FER: variants seen among roughly 807,000 people sequenced by gnomAD.
FER encodes the protein tyrosine-protein kinase Fer.
FER carries 63 observed loss-of-function variants against 111.0 expected under a neutral mutation model. The observed-to-expected ratio is 0.57, with a 90% CI of 0.46 to 0.70. FER has a LOEUF of 0.70. Ranked by LOEUF, FER falls within the 30% of genes least tolerant of loss-of-function variation. The pLI is 0.00. For synonymous variants in FER, 327 were observed against 313.9 expected (o/e 1.04, Z -0.44); for missense variants, 914 against 954.0 (o/e 0.96, Z 0.55).
intron 19 of FER, 97 bp from the exon 20 acceptor site, chr5:109,187,336 T>A: frequency 7.8e-7 from 1 of 1,277,812 alleles, no homozygotes; most frequent in Non-Finnish European, 1.1e-6. Flanking sequence ...AACTACAACA[T>A]AAGGTACCAA....
chr5:108,966,149 A>G (rs1759783475), intron 13 of FER, among the ~76,000 whole-genome samples: 1 of 152,158 alleles, frequency 6.6e-6, no homozygotes, highest in Admixed American at 6.5e-5. Flanking sequence ...CTTAAATATC[A>G]TTATGTTTTT....
At chr5:109,003,642 T>G (rs1314812019) in intron 13 of FER, among the ~76,000 whole-genome samples, 1 of 151,478 alleles carries the variant, frequency 6.6e-6, no homozygotes, top group Non-Finnish European at 1.5e-5. Flanking sequence ...AAAATAAAAA[T>G]AAAAATATTT....
intron 17 of FER, 71 bp from the exon 18 acceptor site, chr5:109,180,676 G>T: frequency 6.7e-7 from 1 of 1,495,190 alleles, no homozygotes; most frequent in African/African-American, 1.4e-5. Flanking sequence ...TGCAAAGTGT[G>T]GAAATCATAA....
At chr5:109,170,957 C>T (rs1205100675) in intron 17 of FER, among the ~76,000 whole-genome samples, 1 of 152,156 alleles carries the variant, frequency 6.6e-6, no homozygotes. Flanking sequence ...TGCTAGCCAC[C>T]AGCTGGTGCA....
At chr5:109,065,691 A>G (rs556767387) in intron 16 of FER, among the ~76,000 whole-genome samples, 10 of 152,208 alleles carry the variant, frequency 6.6e-5, no homozygotes, top group Non-Finnish European at 1.3e-4. Context: ...TATATTAAGC[A>G]TTGTATAGCC....
intron 13 of FER, among the ~76,000 whole-genome samples, chr5:108,979,422 A>C (rs1281971158): frequency 6.6e-6 from 1 of 152,200 alleles, no homozygotes; most frequent in Non-Finnish European, 1.5e-5. Context: ...CAAAATAAAG[A>C]AATTAAGAAG....
intron 17 of FER, among the ~76,000 whole-genome samples, chr5:109,142,318 T>C (rs1408249268): frequency 6.6e-6 from 1 of 152,178 alleles, no homozygotes; most frequent in East Asian, 1.9e-4. Context: ...TGCTTAATTC[T>C]AATAATCTGA....
At chr5:108,790,474 TC>T (rs1455486780) in intron 2 of FER, among the ~76,000 whole-genome samples, 1 of 152,166 alleles carries the variant, frequency 6.6e-6, no homozygotes, top group Non-Finnish European at 1.5e-5. Context: ...GTGTTTTTCT[TC>T]ATTTCTTCTA....
chr5:108,863,957 C>T (rs1763780912), intron 5 of FER, among the ~76,000 whole-genome samples: 1 of 152,138 alleles, frequency 6.6e-6, no homozygotes, highest in Admixed American at 6.6e-5. Context: ...AATGTACTTG[C>T]TTCCCTCCTG....
chr5:108,790,316 G>A (rs1218990356), intron 2 of FER, among the ~76,000 whole-genome samples: 1 of 148,898 alleles, frequency 6.7e-6, no homozygotes, highest in African/African-American at 2.5e-5. Flanking sequence ...TCTCTATTTG[G>A]AAAACTCTAA....
intron 16 of FER, among the ~76,000 whole-genome samples, chr5:109,081,949 C>G (rs1300236422): frequency 3.3e-5 from 5 of 151,976 alleles, no homozygotes; most frequent in African/African-American, 1.2e-4. Flanking sequence ...TCTCCTACCC[C>G]TTCAGAATCC....
Position 109,106,746 on chromosome 5 carries a change from A to G in FER, c.2048+6227A>G, listed in dbSNP as rs1280009292. Among the ~76,000 whole-genome samples the G allele has an allele frequency of 2.0e-5, 3 of 152,124 alleles. No homozygotes were observed. In the East Asian group the frequency reaches 5.8e-4, roughly 29 times the overall value. On this transcript the variant is annotated intron_variant, in intron 17 of 19. Transcript: ENST00000281092. Reference sequence around the variant, plus strand: ...TTATTCAGGGTAAAAATTTCCCACCACTAGTTTCACTCATTTTAATTAAGG... The same window carrying G: ...TTATTCAGGGTAAAAATTTCCCACCGCTAGTTTCACTCATTTTAATTAAGG...
At chr5:109,000,567 G>A (rs1275483544) in intron 13 of FER, among the ~76,000 whole-genome samples, 1 of 151,944 alleles carries the variant, frequency 6.6e-6, no homozygotes, top group Admixed American at 6.6e-5. Context: ...ATCTAAAATT[G>A]ACACCCTAAC....
At chr5:108,942,589 TTTAA>T (rs1381624272) in intron 10 of FER, among the ~76,000 whole-genome samples, 3 of 152,310 alleles carry the variant, frequency 2.0e-5, no homozygotes, top group Admixed American at 1.3e-4. Flanking sequence ...TAGAAACTGT[TTTAA>T]TACTGAAATT....
At chr5:108,937,280 T>C (rs1755597652) in intron 10 of FER, among the ~76,000 whole-genome samples, 1 of 151,854 alleles carries the variant, frequency 6.6e-6, no homozygotes, top group South Asian at 2.1e-4. Flanking sequence ...ATAACAGAGG[T>C]AGTAGTACCA....
At chr5:108,833,737 A>G (rs1344479380) in intron 4 of FER, among the ~76,000 whole-genome samples, 1 of 151,932 alleles carries the variant, frequency 6.6e-6, no homozygotes, top group Non-Finnish European at 1.5e-5. Context: ...AGCTGGGCGT[A>G]CTGGCGGGCG....
chr5:108,976,947 GGT>G (rs1761431757), intron 13 of FER, among the ~76,000 whole-genome samples: 1 of 152,064 alleles, frequency 6.6e-6, no homozygotes, highest in African/African-American at 2.4e-5. Flanking sequence ...TGGGTCCCAT[GGT>G]GTTATTCAAG....
At chr5:109,143,795 C>G (rs1753776403) in intron 17 of FER, among the ~76,000 whole-genome samples, 1 of 151,416 alleles carries the variant, frequency 6.6e-6, no homozygotes, top group Non-Finnish European at 1.5e-5. Context: ...CCACTTCAGT[C>G]TCCCTACAAG....
intron 3 of FER, among the ~76,000 whole-genome samples, chr5:108,828,828 A>G (rs1004562354): frequency 1.3e-5 from 2 of 152,230 alleles, no homozygotes; most frequent in East Asian, 1.9e-4. Context: ...AGCTGGGTGC[A>G]GTAGCTTACG....
Sources: allele counts gnomAD v4.1 joint callset (sites outside exome capture counted in the v4.1 genomes callset), GRCh38; gene constraint gnomAD v4.1.1; transcripts MANE v1.5; gene names NCBI Gene and HGNC (gene_info 2026-07-23, HGNC 2026-07-21).